LRRTM4: variants seen among roughly 807,000 people sequenced by gnomAD.
The protein encoded by LRRTM4 is leucine rich repeat transmembrane neuronal 4.
LRRTM4 carries 25 observed loss-of-function variants against 47.6 expected under a neutral mutation model. The ratio of observed to expected loss-of-function variants is 0.53; its 90% CI spans 0.38 to 0.73. The LOEUF is 0.73. Ranked by LOEUF, LRRTM4 falls within the 30% of genes least tolerant of loss-of-function variation. The probability of loss-of-function intolerance (pLI) is 0.00; values close to 1 mark genes in which losing one functional copy is unlikely to be tolerated. For synonymous variants in LRRTM4, 311 were observed against 269.5 expected, an observed-to-expected ratio of 1.15 and a Z score of -1.51; for missense variants, 638 against 713.4, an observed-to-expected ratio of 0.89 and a Z score of 1.20.
intron 3 of LRRTM4, among the ~76,000 whole-genome samples, chr2:77,436,293 T>C (rs1332509823): frequency 6.6e-6 from 1 of 152,116 alleles, no homozygotes; most frequent in Admixed American, 6.5e-5. Flanking sequence ...ACATGACATA[T>C]ACCTTGAACG....
At chr2:77,026,842 A>G (rs1678471349) in intron 3 of LRRTM4, among the ~76,000 whole-genome samples, 2 of 152,154 alleles carry the variant, frequency 1.3e-5, no homozygotes, top group African/African-American at 2.4e-5. Flanking sequence ...AGACTGCAAT[A>G]TTGATAAACA....
intron 3 of LRRTM4, among the ~76,000 whole-genome samples, chr2:77,217,361 ATATTAATT>A (rs1674479720): frequency 5.3e-5 from 1 of 18,712 alleles, no homozygotes; most frequent in African/African-American, 3.8e-4. Context: ...TTAATTAATT[ATATTAATT>A]TATTAATTTA....
intron 3 of LRRTM4, among the ~76,000 whole-genome samples, chr2:76,896,073 T>C (rs1269475326): frequency 2.0e-5 from 3 of 152,086 alleles, no homozygotes; most frequent in South Asian, 2.1e-4. Context: ...TTTTATACCA[T>C]AGATATTAAA....
chr2:77,440,181 G>A (rs1675781027), intron 3 of LRRTM4, among the ~76,000 whole-genome samples: 1 of 152,176 alleles, frequency 6.6e-6, no homozygotes, highest in African/African-American at 2.4e-5. Flanking sequence ...TTGGGAGGCC[G>A]AGGCGGGCAG....
intron 3 of LRRTM4, among the ~76,000 whole-genome samples, chr2:77,452,852 T>A (rs1273603715): frequency 6.6e-6 from 1 of 152,156 alleles, no homozygotes; most frequent in African/African-American, 2.4e-5. Flanking sequence ...CACAGGTCAC[T>A]GGAAAAGCTG....
At chr2:77,120,350 C>T (rs560164987) in intron 3 of LRRTM4, among the ~76,000 whole-genome samples, 60 of 151,670 alleles carry the variant, frequency 4.0e-4, no homozygotes, top group South Asian at 6.2e-4. Flanking sequence ...AGATTGCTAA[C>T]GGGAGACATA....
intron 3 of LRRTM4, among the ~76,000 whole-genome samples, chr2:76,927,208 T>G (rs1283790601): frequency 1.3e-5 from 2 of 152,036 alleles, no homozygotes; most frequent in Non-Finnish European, 2.9e-5. Context: ...CATAGTACCA[T>G]CTTAGGAGTT....
rs148623564 is a variant in LRRTM4 at position 76,964,201 on chromosome 2, C to CG, written c.1552-215286dup. 2.2e-3 allele frequency among the ~76,000 whole-genome samples: 333 copies of CG among 150,778 alleles called. 1 individual carries two copies. Among genetic ancestry groups the CG allele is most frequent in the African/African-American group, 7.8e-3 (324 of 41,354 alleles). ...GCACTTCACTTTAGTTGGAGGTAGA[C>CG]GGGGGATAGTGTTATGTGTTGTTTG... On this transcript the variant is annotated intron_variant, in intron 3 of 3. Transcript: ENST00000409884.
intron 3 of LRRTM4, among the ~76,000 whole-genome samples, chr2:76,770,764 G>A (rs545365443): frequency 6.6e-6 from 1 of 152,272 alleles, no homozygotes; most frequent in East Asian, 1.9e-4. Flanking sequence ...CTACCCCCCA[G>A]TAGTACAATT....
chr2:77,243,742 T>C (rs543920435), intron 3 of LRRTM4, among the ~76,000 whole-genome samples: 1 of 149,148 alleles, frequency 6.7e-6, no homozygotes, highest in East Asian at 2.0e-4. Context: ...AAAGGGATAA[T>C]TGATACCATA....
intron 3 of LRRTM4, among the ~76,000 whole-genome samples, chr2:77,055,010 C>T (rs1679555823): frequency 6.6e-6 from 1 of 152,160 alleles, no homozygotes; most frequent in African/African-American, 2.4e-5. Flanking sequence ...TATTCCTGCT[C>T]CAATGGCAAG....
At chr2:77,494,638 A>G (rs12329320) in intron 3 of LRRTM4, among the ~76,000 whole-genome samples, 63,251 of 151,578 alleles carry the variant, frequency 0.42, 13,557 homozygotes, top group African/African-American at 0.5. Flanking sequence ...ATTTTAATAG[A>G]TTTATGGAAT....
chr2:77,049,087 G>A (rs148451044), intron 3 of LRRTM4, among the ~76,000 whole-genome samples: 128 of 129,254 alleles, frequency 9.9e-4, no homozygotes, highest in African/African-American at 3.3e-3. Context: ...GTGAATGACA[G>A]TTTGTTTTTT....
intron 3 of LRRTM4, among the ~76,000 whole-genome samples, chr2:76,933,912 T>C (rs183486664): frequency 2.6e-4 from 39 of 152,244 alleles, no homozygotes; most frequent in African/African-American, 9.1e-4. Flanking sequence ...TCCTTCCCCA[T>C]TTTACTTCAA....
intron 3 of LRRTM4, among the ~76,000 whole-genome samples, chr2:76,966,927 C>A (rs1676045419): frequency 6.6e-6 from 1 of 151,044 alleles, no homozygotes. Flanking sequence ...CTTAAGGTAC[C>A]CATTCAGCCC....
chr2:76,881,021 T>C (rs944983427), intron 3 of LRRTM4, among the ~76,000 whole-genome samples: 3 of 152,166 alleles, frequency 2.0e-5, no homozygotes, highest in African/African-American at 7.2e-5. Flanking sequence ...TAAATTCTAG[T>C]GTTCTATAGT....
chr2:77,046,791 G>A (rs756139530), intron 3 of LRRTM4, among the ~76,000 whole-genome samples: 5 of 151,944 alleles, frequency 3.3e-5, no homozygotes, highest in South Asian at 2.1e-4. Flanking sequence ...ACTCACACAC[G>A]CACACAATTT....
intron 3 of LRRTM4, among the ~76,000 whole-genome samples, chr2:76,908,210 A>G (rs1227815311): frequency 2.0e-5 from 3 of 151,394 alleles, no homozygotes; most frequent in African/African-American, 7.3e-5. Flanking sequence ...AATAAATGTA[A>G]TCCAGCATAT....
intron 3 of LRRTM4, among the ~76,000 whole-genome samples, chr2:77,201,316 C>T (rs1353643658): frequency 1.3e-5 from 2 of 151,834 alleles, no homozygotes; most frequent in Admixed American, 6.6e-5. Flanking sequence ...TAGGAGTACC[C>T]AAGAAAAGCA....
Sources: allele counts gnomAD v4.1 joint callset (sites outside exome capture counted in the v4.1 genomes callset), GRCh38; gene constraint gnomAD v4.1.1; transcripts MANE v1.5; gene names NCBI Gene and HGNC (gene_info 2026-07-23, HGNC 2026-07-21).